The following PDE4D variants were observed in gnomAD, a reference collection of about 807,000 sequenced individuals.
PDE4D encodes 3',5'-cyclic-AMP phosphodiesterase 4D.
PDE4D carries 24 observed loss-of-function variants against 87.4 expected under a neutral mutation model. The ratio of observed to expected loss-of-function variants is 0.27; its 90% CI spans 0.20 to 0.39. The LOEUF is 0.39. PDE4D is among the 10% of genes least tolerant of loss of function. The pLI is 1.00. For synonymous variants in PDE4D, 384 were observed against 383.2 expected (o/e 1.00, Z -0.02); for missense variants, 714 against 1,041.0 (o/e 0.69, Z 4.32).
chr5:59,702,928 G>T (rs1580533628), intron 1 of PDE4D, among the ~76,000 whole-genome samples: 1 of 147,550 alleles, frequency 6.8e-6, no homozygotes, highest in South Asian at 2.1e-4. Context: ...AAGCCAAAAT[G>T]CATCCAAGTA....
rs370784270 is a variant in PDE4D, at chr5:60,468,130, C to CTTTTTTTTTTTT, written c.-90+19811_-90+19812insAAAAAAAAAAAA. ...TCTAATACACATCCTAACTTTCTTT[C>CTTTTTTTTTTTT]TTTTTTCTTTTTTTTTTGTTTTTTT... On this transcript the variant is annotated intron_variant, in intron 1 of 16. Transcript: ENST00000502484. Among the ~76,000 whole-genome samples the CTTTTTTTTTTTT allele has an allele frequency of 2.6e-4, 33 of 126,202 alleles. 1 individual carries two copies. Among genetic ancestry groups the CTTTTTTTTTTTT allele is most frequent in the African/African-American group, 8.3e-4 (27 of 32,590 alleles). 82.8% of individuals were successfully genotyped at this position (126,202 alleles called of 152,430 possible). A position where few individuals can be genotyped will look rare whatever the true frequency, so the allele number is the denominator to read the frequency against.
intron 1 of PDE4D, among the ~76,000 whole-genome samples, chr5:59,589,722 AT>A (rs1825657882): frequency 1.3e-5 from 2 of 152,306 alleles, no homozygotes; most frequent in South Asian, 2.1e-4. Flanking sequence ...ACAGTTCAAC[AT>A]TCAATACTTG....
intron 11 of PDE4D, among the ~76,000 whole-genome samples, chr5:58,984,812 C>T (rs1309983779): frequency 1.3e-5 from 2 of 152,166 alleles, no homozygotes; most frequent in African/African-American, 4.8e-5. Flanking sequence ...ATATTCTGTA[C>T]TTTTGATACT....
At chr5:60,477,428 C>A (rs1353645108) in intron 1 of PDE4D, among the ~76,000 whole-genome samples, 1 of 151,712 alleles carries the variant, frequency 6.6e-6, no homozygotes, top group Non-Finnish European at 1.5e-5. Context: ...GCTTTAAAAA[C>A]AGTGCTGAAA....
intron 1 of PDE4D, among the ~76,000 whole-genome samples, chr5:59,706,747 A>T (rs545328429): frequency 7.6e-4 from 116 of 152,286 alleles, no homozygotes; most frequent in South Asian, 2.1e-3. Context: ...GGGTAGAAAG[A>T]ACATAAAATT....
intron 1 of PDE4D, among the ~76,000 whole-genome samples, chr5:60,513,944 C>G (rs1246683870): frequency 6.7e-6 from 1 of 150,128 alleles, no homozygotes; most frequent in East Asian, 1.9e-4. Flanking sequence ...ATAAGAACAG[C>G]AAATTAAGTC....
intron 2 of PDE4D, among the ~76,000 whole-genome samples, chr5:60,069,328 T>C (rs1432414829): frequency 6.6e-6 from 1 of 152,180 alleles, no homozygotes; most frequent in African/African-American, 2.4e-5. Flanking sequence ...CTTTCCACCA[T>C]GTGAGACACA....
intron 2 of PDE4D, among the ~76,000 whole-genome samples, chr5:59,211,840 T>C (rs1581405848): frequency 1.3e-5 from 2 of 152,246 alleles, no homozygotes; most frequent in Middle Eastern, 3.4e-3. Context: ...GACGATATCC[T>C]ATCTACTAGG....
At chr5:59,884,281 TAC>T (rs1007687782) in intron 1 of PDE4D, among the ~76,000 whole-genome samples, 24 of 151,360 alleles carry the variant, frequency 1.6e-4, no homozygotes, top group East Asian at 3.9e-4. Context: ...TAGATATAAA[TAC>T]ACACACACAT....
intron 1 of PDE4D, among the ~76,000 whole-genome samples, chr5:59,813,196 G>T (rs1348742247): frequency 6.6e-6 from 1 of 152,110 alleles, no homozygotes; most frequent in Non-Finnish European, 1.5e-5. Flanking sequence ...ACAACAATCA[G>T]GGAGTTTTGG....
At chr5:59,466,902 T>C (rs1355188132) in intron 1 of PDE4D, among the ~76,000 whole-genome samples, 2 of 152,176 alleles carry the variant, frequency 1.3e-5, no homozygotes, top group Admixed American at 6.5e-5. Flanking sequence ...TCCTCGTACA[T>C]ATACCTCCAA....
intron 3 of PDE4D, among the ~76,000 whole-genome samples, chr5:59,185,658 C>A (rs1742731224): frequency 6.6e-6 from 1 of 152,176 alleles, no homozygotes; most frequent in Admixed American, 6.5e-5. Flanking sequence ...CAAATCTCTT[C>A]AAAAATTGAT....
chr5:59,263,290 G>C (rs938819986), intron 1 of PDE4D, among the ~76,000 whole-genome samples: 11 of 151,920 alleles, frequency 7.2e-5, no homozygotes, highest in African/African-American at 2.7e-4. Flanking sequence ...AGCAAACCCA[G>C]TCTACTCCAA....
intron 1 of PDE4D, among the ~76,000 whole-genome samples, chr5:59,601,213 TG>T (rs1289992952): frequency 1.3e-5 from 2 of 152,168 alleles, no homozygotes; most frequent in East Asian, 3.9e-4. Flanking sequence ...ACGTACCAGA[TG>T]GAATGTACTG....
At chr5:59,360,045 C>T (rs1312838172) in intron 1 of PDE4D, among the ~76,000 whole-genome samples, 2 of 152,102 alleles carry the variant, frequency 1.3e-5, no homozygotes, top group East Asian at 3.9e-4. Context: ...TTGAATATTT[C>T]TGGGATTTTG....
chr5:59,564,765 TTG>T (rs1193628847), intron 1 of PDE4D, among the ~76,000 whole-genome samples: 4 of 151,908 alleles, frequency 2.6e-5, no homozygotes, highest in Non-Finnish European at 5.9e-5. Context: ...AAACTCCCAT[TTG>T]TGTGAGTGAG....
intron 1 of PDE4D, among the ~76,000 whole-genome samples, chr5:59,479,546 C>T (rs1803887077): frequency 6.6e-6 from 1 of 152,058 alleles, no homozygotes. Context: ...TCAAACAGAG[C>T]TCATGACCAA....
chr5:60,499,078 C>T (rs754707157), intron 1 of PDE4D, among the ~76,000 whole-genome samples: 3 of 152,180 alleles, frequency 2.0e-5, no homozygotes, highest in Non-Finnish European at 2.9e-5. Flanking sequence ...ACTAGAAAAG[C>T]GGCTTCCTCC....
chr5:60,051,445 A>C (rs1770142907), intron 2 of PDE4D, among the ~76,000 whole-genome samples: 2 of 152,158 alleles, frequency 1.3e-5, no homozygotes, highest in African/African-American at 4.8e-5. Context: ...CTACTGGGTA[A>C]ATAATGAAAT....
Sources: allele counts gnomAD v4.1 joint callset (sites outside exome capture counted in the v4.1 genomes callset), GRCh38; gene constraint gnomAD v4.1.1; transcripts MANE v1.5; gene names NCBI Gene and HGNC (gene_info 2026-07-23, HGNC 2026-07-21).